Variants in NALF1 observed in about 807,000 individuals in gnomAD.
NALF1 encodes the protein family with sequence similarity 155 member A.
Under a neutral mutation model 48.4 loss-of-function variants are expected in NALF1, and 3 were observed. The observed-to-expected ratio is 0.06, with a 90% CI of 0.03 to 0.16. The LOEUF (loss-of-function observed/expected upper bound fraction) is 0.16. Ranked by LOEUF, NALF1 falls within the 10% of genes least tolerant of loss-of-function variation. The probability of loss-of-function intolerance (pLI) is 1.00; values close to 1 mark genes in which losing one functional copy is unlikely to be tolerated. For synonymous variants in NALF1, 262 were observed against 245.7 expected, an observed-to-expected ratio of 1.07 and a Z score of -0.62; for missense variants, 526 against 571.5, an observed-to-expected ratio of 0.92 and a Z score of 0.81.
At chr13:107,286,708 G>A (rs1025379130) in intron 1 of NALF1, among the ~76,000 whole-genome samples, 2 of 152,104 alleles carry the variant, frequency 1.3e-5, no homozygotes, top group Admixed American at 1.3e-4. Context: ...ACTCAGCCTG[G>A]AAACAGAACG....
intron 1 of NALF1, among the ~76,000 whole-genome samples, chr13:107,791,156 CTA>C: frequency 6.6e-6 from 1 of 152,120 alleles, no homozygotes. Context: ...TTTGTTGCAA[CTA>C]CAGTATGATT....
At chr13:107,361,299 T>A (rs1883056198) in intron 1 of NALF1, among the ~76,000 whole-genome samples, 1 of 152,168 alleles carries the variant, frequency 6.6e-6, no homozygotes, top group Admixed American at 6.6e-5. Flanking sequence ...TGGAGGCTAC[T>A]GCAGGAAGTC....
At position 107,376,386 on chromosome 13, in the gene NALF1, T is replaced by C. The variant is rs553654304; in HGVS notation, c.916-165631A>G. Among the ~76,000 whole-genome samples the C allele has an allele frequency of 1.0e-3, 153 of 152,350 alleles. 1 individual carries two copies. Among genetic ancestry groups the C allele is most frequent in the African/African-American group, 3.4e-3 (143 of 41,590 alleles). Reference sequence around the variant, plus strand: ...CTCCTCCACATTCTTCAACTGTTTTTTAGGCAATTAGCATGTATTCATGGG... The same window carrying C: ...CTCCTCCACATTCTTCAACTGTTTTCTAGGCAATTAGCATGTATTCATGGG... On this transcript the variant is annotated intron_variant, in intron 1 of 2. Transcript: ENST00000375915.
chr13:107,294,642 T>G (rs894622989), intron 1 of NALF1, among the ~76,000 whole-genome samples: 8 of 152,206 alleles, frequency 5.3e-5, no homozygotes, highest in Non-Finnish European at 5.9e-5. Context: ...CGTCCCCATA[T>G]TAATGTGGAA....
chr13:107,473,050 T>C (rs1176249181), intron 1 of NALF1, among the ~76,000 whole-genome samples: 1 of 152,234 alleles, frequency 6.6e-6, no homozygotes, highest in Non-Finnish European at 1.5e-5. Context: ...CCTTTCCTCT[T>C]GAATGAGCAT....
chr13:107,550,148 T>C (rs1190051318), intron 1 of NALF1, among the ~76,000 whole-genome samples: 1 of 152,130 alleles, frequency 6.6e-6, no homozygotes, highest in Non-Finnish European at 1.5e-5. Context: ...GGGACTTTAC[T>C]GTACATTTTT....
chr13:107,293,243 G>T (rs1370070641), intron 1 of NALF1, among the ~76,000 whole-genome samples: 1 of 152,022 alleles, frequency 6.6e-6, no homozygotes, highest in East Asian at 1.9e-4. Context: ...GCCTCCCGAA[G>T]TGCTAGGATT....
chr13:107,417,881 C>T lies in NALF1; in HGVS notation c.916-207126G>A, dbSNP rs184425397. On this transcript the variant is annotated intron_variant, in intron 1 of 2. Coordinates refer to ENST00000375915, the MANE Select transcript of NALF1 (RefSeq NM_001080396.3). ...TTCAAGAACAGCCTGGCCAACATGA[C>T]GAAACCCCGTCTCTACTAAAAACAC... Among the ~76,000 whole-genome samples the T allele has an allele frequency of 2.3e-3, 347 of 152,122 alleles. 1 individual carries two copies. Among genetic ancestry groups the T allele is most frequent in the African/African-American group, 7.7e-3 (321 of 41,508 alleles).
rs140807415 is a variant in NALF1 at position 107,284,792 on chromosome 13, C to T, written c.916-74037G>A. Among the ~76,000 whole-genome samples the T allele has an allele frequency of 1.1e-4, 16 of 152,280 alleles. No individual in the cohort carries two copies. The East Asian group carries it at 1.5e-3, about 15-fold the overall frequency. Reference sequence around the variant, plus strand: ...GGGCACAGAGCATGACGGCAGCTGCCTACGTGCCAGAAGGGGCCACAGAAT... The same window carrying T: ...GGGCACAGAGCATGACGGCAGCTGCTTACGTGCCAGAAGGGGCCACAGAAT... On this transcript the variant is annotated intron_variant, in intron 1 of 2. Coordinates refer to ENST00000375915, the MANE Select transcript of NALF1 (RefSeq NM_001080396.3).
At position 107,503,520 on chromosome 13, in the gene NALF1, T is replaced by C. The variant is rs1183828385; in HGVS notation, c.916-292765A>G. ...TTGGTGGGAACGTCAATTGGTACAGTGATTATTAAAAAGAATATGGAGGTT... is the reference window on the plus strand; with the variant it reads ...TTGGTGGGAACGTCAATTGGTACAGCGATTATTAAAAAGAATATGGAGGTT... On this transcript the variant is annotated intron_variant, in intron 1 of 2. Transcript: ENST00000375915. Among the ~76,000 whole-genome samples, 3 of 152,164 alleles carry C rather than the reference T, an allele frequency of 2.0e-5. No individual in the cohort carries two copies. The East Asian group carries it at 5.8e-4, about 30-fold the overall frequency.
intron 1 of NALF1, among the ~76,000 whole-genome samples, chr13:107,259,979 TAAAG>T (rs1355440634): frequency 6.6e-6 from 1 of 152,222 alleles, no homozygotes; most frequent in African/African-American, 2.4e-5. Flanking sequence ...AGCAACTCAA[TAAAG>T]ATTTTCTTCA....
In NALF1 at chr13:107,866,499, T is replaced by A. The variant is rs755049158; in HGVS notation, c.98A>T (p.Glu33Val). 6.6e-5 allele frequency: 107 copies of A among 1,613,694 alleles called. No homozygotes were observed. In the Middle Eastern group the frequency reaches 2.0e-3, roughly 30 times the overall value. ...AGACAGTCGCCATTTCTGAGCCCTC[T>A]CGGAATCGATGAACGGTTTCTCGTT... ...RENEKPFIDS[E>V]RAQKWRLSLA... Residue 33 changes from glutamate to valine, a missense_variant, in exon 1 of 3, where the codon GAG (glutamate) becomes GTG (valine). By Grantham distance (121) the Glu-to-Val change is moderately radical (BLOSUM62 -2). Transcript: ENST00000375915. This position sits in a 1 kb window ranked among gnomAD's most constrained non-coding sequence, Gnocchi z 4.4.
At chr13:107,203,098 C>T (rs552757586) in intron 2 of NALF1, among the ~76,000 whole-genome samples, 5 of 152,270 alleles carry the variant, frequency 3.3e-5, no homozygotes, top group South Asian at 4.1e-4. Context: ...AAAGAATTCG[C>T]GAATTCTTCA....
At chr13:107,569,396 C>CG (rs1469020698) in intron 1 of NALF1, among the ~76,000 whole-genome samples, 4 of 151,692 alleles carry the variant, frequency 2.6e-5, no homozygotes, top group Non-Finnish European at 5.9e-5. Flanking sequence ...GACGTGAACC[C>CG]GGGGGGCGGA....
intron 1 of NALF1, among the ~76,000 whole-genome samples, chr13:107,803,972 T>C (rs1003639252): frequency 1.1e-4 from 17 of 152,142 alleles, no homozygotes; most frequent in Non-Finnish European, 8.8e-5. Context: ...ACAGAAAATG[T>C]AGTTCCATTG....
intron 1 of NALF1, among the ~76,000 whole-genome samples, chr13:107,610,589 T>C (rs188484350): frequency 9.5e-4 from 145 of 152,320 alleles, no homozygotes; most frequent in African/African-American, 3.4e-3. Context: ...CATGTCAATT[T>C]ATGATAATAC....
intron 1 of NALF1, among the ~76,000 whole-genome samples, chr13:107,325,796 G>A (rs1044534775): frequency 6.8e-6 from 1 of 146,320 alleles, no homozygotes; most frequent in African/African-American, 2.5e-5. Context: ...AAGCAAGAGT[G>A]TGCCACTGCA....
At chr13:107,215,117 G>C (rs1473047876) in intron 1 of NALF1, among the ~76,000 whole-genome samples, 2 of 152,206 alleles carry the variant, frequency 1.3e-5, no homozygotes, top group Non-Finnish European at 2.9e-5. Flanking sequence ...CTGAGCCTCT[G>C]TTAACGTCGG....
intron 1 of NALF1, among the ~76,000 whole-genome samples, chr13:107,631,210 C>T (rs556667770): frequency 1.3e-3 from 200 of 152,058 alleles, no homozygotes; most frequent in African/African-American, 4.4e-3. Context: ...GTTGCCCAGA[C>T]TTCAAATATT....
Sources: gnomAD v4.1 joint callset for allele counts (sites outside exome capture counted in the v4.1 genomes callset) on GRCh38, gnomAD v4.1.1 for gene constraint, Gnocchi (gnomAD v3.1) non-coding constraint, MANE v1.5 for transcripts, NCBI Gene and HGNC (gene_info 2026-07-23, HGNC 2026-07-21) for gene names.